CHP1: variants seen among roughly 807,000 people sequenced by gnomAD.
CHP1 encodes the protein calcineurin B homologous protein 1.
A neutral mutation model predicts 27.4 loss-of-function variants in CHP1; 11 were observed. The ratio of observed to expected loss-of-function variants is 0.40; its 90% CI spans 0.25 to 0.67. The LOEUF (loss-of-function observed/expected upper bound fraction) is 0.67. Ranked by LOEUF, CHP1 falls within the 30% of genes least tolerant of loss-of-function variation. The probability of loss-of-function intolerance (pLI) is 0.38; values close to 1 mark genes in which losing one functional copy is unlikely to be tolerated. For synonymous variants in CHP1, 89 were observed against 87.4 expected (o/e 1.02, Z -0.10); for missense variants, 169 against 251.3 (o/e 0.67, Z 2.22).
chr15:41,277,554 C>T (rs1167892075), intron 5 of CHP1, among the ~76,000 whole-genome samples: 3 of 152,040 alleles, frequency 2.0e-5, no homozygotes, highest in Non-Finnish European at 4.4e-5. Flanking sequence ...CTTTGGGAGG[C>T]GGAGGCGGGC....
chr15:41,267,799 T>C (rs1158061567), intron 4 of CHP1, among the ~76,000 whole-genome samples: 1 of 151,122 alleles, frequency 6.6e-6, no homozygotes, highest in Non-Finnish European at 1.5e-5. Flanking sequence ...CTGGGCATGG[T>C]GGCACATGCC....
At chr15:41,258,155 CATACTT>C (rs2047412384) in intron 3 of CHP1, among the ~76,000 whole-genome samples, 1 of 152,098 alleles carries the variant, frequency 6.6e-6, no homozygotes. Flanking sequence ...TGTATATACA[CATACTT>C]ATGTAATTTT....
At chr15:41,272,871 ACCCCGTCTC>A (rs2047497928) in intron 5 of CHP1, among the ~76,000 whole-genome samples, 1 of 150,260 alleles carries the variant, frequency 6.7e-6, no homozygotes, top group Admixed American at 6.7e-5. Flanking sequence ...ACATGGTGAA[ACCCCGTCTC>A]CCCTGTCTCT....
In CHP1 at chr15:41,236,385, C is replaced by G. The variant is rs536122646; in HGVS notation, c.67+4936C>G. The stretch of plus-strand genomic sequence containing the variant: ...CAAGCAATCCTCCCAGCTCAGCCTC[C>G]TGAGTAGCTGGGACTACAGGCACAT... On this transcript the variant is annotated intron_variant, in intron 1 of 6. Coordinates refer to ENST00000334660, the MANE Select transcript of CHP1 (RefSeq NM_007236.5). Among the ~76,000 whole-genome samples the G allele has an allele frequency of 3.5e-3, 534 of 152,272 alleles. 6 individuals are homozygous for G. The highest frequency in any genetic ancestry group is 0.012 in the African/African-American group (503 of 41,550).
intron 3 of CHP1, among the ~76,000 whole-genome samples, chr15:41,259,870 A>C (rs1363609545): frequency 1.3e-5 from 2 of 152,148 alleles, no homozygotes; most frequent in African/African-American, 4.8e-5. Flanking sequence ...CTCCTGCCTC[A>C]GCCTCCCCAA....
At chr15:41,264,229 A>ATG in intron 4 of CHP1, 1 of 1,285,756 alleles carries the variant, frequency 7.8e-7, no homozygotes, top group East Asian at 5.6e-5. Flanking sequence ...CCTCCCAAGC[A>ATG]TGGAATGTAA....
intron 1 of CHP1, among the ~76,000 whole-genome samples, chr15:41,235,619 T>G (rs1352058353): frequency 6.6e-6 from 1 of 152,216 alleles, no homozygotes; most frequent in African/African-American, 2.4e-5. Flanking sequence ...GTCTCTACCT[T>G]TTGGTATATG....
intron 1 of CHP1, among the ~76,000 whole-genome samples, chr15:41,241,001 C>T (rs1330958408): frequency 1.3e-5 from 2 of 151,936 alleles, no homozygotes; most frequent in East Asian, 2.0e-4. Context: ...TAGAGGCAGA[C>T]GCCACCACAC....
intron 2 of CHP1, among the ~76,000 whole-genome samples, chr15:41,253,999 G>T (rs1480847536): frequency 6.7e-6 from 1 of 149,304 alleles, no homozygotes; most frequent in Non-Finnish European, 1.5e-5. Context: ...TTGCTCTGTT[G>T]CCCAGGCTGG....
chr15:41,278,206 G>A (rs944639612), intron 5 of CHP1, among the ~76,000 whole-genome samples: 2 of 151,470 alleles, frequency 1.3e-5, no homozygotes, highest in African/African-American at 2.4e-5. Flanking sequence ...GGTGGCAGGC[G>A]CCTGTAATCC....
intron 2 of CHP1, among the ~76,000 whole-genome samples, chr15:41,250,535 C>G (rs1230430406): frequency 6.6e-6 from 1 of 151,490 alleles, no homozygotes; most frequent in African/African-American, 2.4e-5. Flanking sequence ...CCATTGCACT[C>G]CAGCCTGGGC....
chr15:41,251,223 G>A (rs954735938), intron 2 of CHP1, among the ~76,000 whole-genome samples: 10 of 152,072 alleles, frequency 6.6e-5, no homozygotes, highest in African/African-American at 2.4e-4. Context: ...TTTTCACCAA[G>A]GGAAGACTAT....
chr15:41,234,035 A>T (rs1240433749), intron 1 of CHP1: 3 of 152,108 alleles, frequency 2.0e-5, no homozygotes, highest in African/African-American at 7.2e-5. Flanking sequence ...TGCAAGCCTT[A>T]AACTCCTGGG....
Position 41,241,817 on chromosome 15 carries a change from A to G in CHP1, c.68-1850A>G, listed in dbSNP as rs1041944665. On this transcript the variant is annotated intron_variant, in intron 1 of 6. Coordinates refer to ENST00000334660, the MANE Select transcript of CHP1 (RefSeq NM_007236.5). The stretch of plus-strand genomic sequence containing the variant: ...TTGTCCCATTGTTCCCAACACTACA[A>G]GTACATTTTTGTTTCATGAGCTGAG... Among the ~76,000 whole-genome samples the G allele has an allele frequency of 2.0e-5, 3 of 152,280 alleles. No homozygotes were observed. In the South Asian group the frequency reaches 6.2e-4, roughly 32 times the overall value.
chr15:41,232,697 C>A (rs1262144943), intron 1 of CHP1, among the ~76,000 whole-genome samples: 1 of 152,062 alleles, frequency 6.6e-6, no homozygotes, highest in Non-Finnish European at 1.5e-5. Flanking sequence ...CTTTATGATT[C>A]TTATTGAGTT....
At chr15:41,250,634 A>G (rs2047361175) in intron 2 of CHP1, among the ~76,000 whole-genome samples, 2 of 141,766 alleles carry the variant, frequency 1.4e-5, no homozygotes, top group South Asian at 4.6e-4. Flanking sequence ...TTAAAATAGG[A>G]ACAAAATCCA....
At chr15:41,242,827 C>T (rs967648489) in intron 1 of CHP1, among the ~76,000 whole-genome samples, 1 of 151,702 alleles carries the variant, frequency 6.6e-6, no homozygotes, top group South Asian at 2.1e-4. Flanking sequence ...CCTGTAATCC[C>T]AGCTACTTGG....
At chr15:41,235,780 T>C (rs1021895284) in intron 1 of CHP1, among the ~76,000 whole-genome samples, 15 of 152,202 alleles carry the variant, frequency 9.9e-5, no homozygotes, top group African/African-American at 3.1e-4. Flanking sequence ...ATATCATGGC[T>C]AGAATGTAAG....
chr15:41,274,935 C>T (rs754108186), intron 5 of CHP1, among the ~76,000 whole-genome samples: 4 of 151,248 alleles, frequency 2.6e-5, no homozygotes, highest in African/African-American at 4.9e-5. Context: ...GGATTATAGG[C>T]GCGCACTACC....
Sources: allele counts gnomAD v4.1 joint callset (sites outside exome capture counted in the v4.1 genomes callset), GRCh38; gene constraint gnomAD v4.1.1; transcripts MANE v1.5; gene names NCBI Gene and HGNC (gene_info 2026-07-23, HGNC 2026-07-21).